The following BLTP1 variants were observed in gnomAD, a reference collection of about 807,000 sequenced individuals.
BLTP1 encodes the protein bridge-like lipid transfer protein family member 1.
At chr4:122,158,115 T>G in the BLTP1 span, among the ~76,000 whole-genome samples, 1 of 152,238 alleles carries the variant, frequency 6.6e-6, no homozygotes, top group Non-Finnish European at 1.5e-5. Context: ...TTGTTGATGC[T>G]AGCATTTTAG....
the BLTP1 span, chr4:122,264,257 G>A: frequency 1.3e-6 from 2 of 1,598,996 alleles, no homozygotes; most frequent in South Asian, 1.1e-5. Flanking sequence ...ATTAGGTGTT[G>A]CACCCAATCT....
At chr4:122,325,816 G>GGT in the BLTP1 span, 1 of 786,100 alleles carries the variant, frequency 1.3e-6, no homozygotes, top group Non-Finnish European at 1.7e-6. Flanking sequence ...TTTTTCATGA[G>GGT]TTTTTTTTTT....
chr4:122,207,254 A>C, the BLTP1 span: 2 of 1,606,462 alleles, frequency 1.2e-6, no homozygotes, highest in Admixed American at 3.4e-5. Flanking sequence ...TCTACTAAAC[A>C]ACAGGAAAAT....
chr4:122,294,321 A>G, the BLTP1 span, among the ~76,000 whole-genome samples: 1 of 152,188 alleles, frequency 6.6e-6, no homozygotes, highest in East Asian at 1.9e-4. Flanking sequence ...ACCTCCCAAC[A>G]GGGGTCTCCA....
the BLTP1 span, chr4:122,270,866 G>A: frequency 9.6e-7 from 1 of 1,037,822 alleles, no homozygotes; most frequent in South Asian, 1.8e-5. Flanking sequence ...GCCTGGCCTA[G>A]TGAAAAAGCA....
chr4:122,199,486 A>C, the BLTP1 span: 16 of 1,492,736 alleles, frequency 1.1e-5, no homozygotes, highest in Non-Finnish European at 1.5e-5. Context: ...ACATACTTGT[A>C]TGAAAAACAA....
the BLTP1 span, among the ~76,000 whole-genome samples, chr4:122,358,594 C>A: frequency 6.6e-6 from 1 of 152,098 alleles, no homozygotes; most frequent in Non-Finnish European, 1.5e-5. Context: ...TAACCACCAC[C>A]AGTAATAAAC....
the BLTP1 span, among the ~76,000 whole-genome samples, chr4:122,360,364 G>C: frequency 2.6e-5 from 4 of 152,120 alleles, no homozygotes; most frequent in African/African-American, 4.8e-5. Context: ...TATAACTAGT[G>C]GTGCTTGCTT....
the BLTP1 span, chr4:122,331,526 A>G: frequency 6.2e-7 from 1 of 1,610,684 alleles, no homozygotes; most frequent in Non-Finnish European, 8.5e-7. Context: ...GAACATGATG[A>G]TATAAGTTTG....
At chr4:122,291,768 A>G in the BLTP1 span, 3 of 973,034 alleles carry the variant, frequency 3.1e-6, no homozygotes, top group Non-Finnish European at 3.7e-6. Flanking sequence ...ATAAAATACT[A>G]TGGAATTAAT....
chr4:122,339,173 T>C, the BLTP1 span: 5 of 1,596,500 alleles, frequency 3.1e-6, no homozygotes, highest in African/African-American at 1.3e-5. Context: ...TTTTATCCAG[T>C]TCCTAGAAAC....
chr4:122,196,453 G>GTA, the BLTP1 span: 1 of 159,356 alleles, frequency 6.3e-6, no homozygotes, highest in East Asian at 1.9e-4. Context: ...TTTGATAATA[G>GTA]TATATCTATT....
the BLTP1 span, chr4:122,254,886 C>A: frequency 6.2e-7 from 1 of 1,613,804 alleles, no homozygotes. Context: ...CATCTTTAAA[C>A]AAATTGGAAA....
the BLTP1 span, chr4:122,262,020 G>A: frequency 3.0e-6 from 3 of 985,086 alleles, no homozygotes; most frequent in Non-Finnish European, 3.6e-6. Flanking sequence ...TTCCTTCCAG[G>A]TAGATGTCTA....
At chr4:122,192,443 A>G in the BLTP1 span, 1 of 1,077,886 alleles carries the variant, frequency 9.3e-7, no homozygotes, top group Non-Finnish European at 1.3e-6. Context: ...ATAATTTTAA[A>G]TAAAAGCTAG....
chr4:122,315,729 T>C, the BLTP1 span: 4 of 1,587,970 alleles, frequency 2.5e-6, 1 homozygote, highest in Non-Finnish European at 3.5e-6. Flanking sequence ...GATTGGCTTT[T>C]ACCCTGAGAC....
the BLTP1 span, chr4:122,173,226 A>C: frequency 6.8e-7 from 1 of 1,475,294 alleles, no homozygotes; most frequent in Non-Finnish European, 9.3e-7. Flanking sequence ...TTTTGTTGCT[A>C]TAACTGAATG....
chr4:122,197,072 T>A, the BLTP1 span: 1 of 624,676 alleles, frequency 1.6e-6, no homozygotes, highest in Non-Finnish European at 2.5e-6. Context: ...TGAACTTTTG[T>A]TCTTAGGAAC....
the BLTP1 span, chr4:122,269,511 A>T: frequency 2.0e-6 from 2 of 984,868 alleles, no homozygotes; most frequent in Non-Finnish European, 2.4e-6. Context: ...CAACTAACTC[A>T]TGATCAGCTT....
Sources: allele counts gnomAD v4.1 joint callset (sites outside exome capture counted in the v4.1 genomes callset), GRCh38; gene constraint gnomAD v4.1.1; transcripts MANE v1.5; gene names NCBI Gene and HGNC (gene_info 2026-07-23, HGNC 2026-07-21).